GHR: variants seen among roughly 807,000 people sequenced by gnomAD.
GHR encodes GH receptor.
GHR carries 35 observed loss-of-function variants against 67.1 expected under a neutral mutation model. The ratio of observed to expected loss-of-function variants is 0.52; its 90% confidence interval spans 0.40 to 0.69. GHR has a LOEUF of 0.69. Among genes scored for constraint, GHR ranks in the 30% least tolerant of loss-of-function variants. The probability of loss-of-function intolerance (pLI) is 0.00; values close to 1 mark genes in which losing one functional copy is unlikely to be tolerated. For synonymous variants in GHR, 272 were observed against 269.1 expected (o/e 1.01, Z -0.10); for missense variants, 792 against 764.6 (o/e 1.04, Z -0.42).
chr5:42,628,003 G>A (rs1753789982), intron 2 of GHR, among the ~76,000 whole-genome samples: 1 of 152,180 alleles, frequency 6.6e-6, no homozygotes, highest in Non-Finnish European at 1.5e-5. Flanking sequence ...GATGGAGTGG[G>A]AAGGTGAACT....
chr5:42,586,886 T>C (rs551827538), intron 2 of GHR, among the ~76,000 whole-genome samples: 34 of 152,184 alleles, frequency 2.2e-4, no homozygotes, highest in African/African-American at 8.2e-4. Context: ...GCAGATAAAT[T>C]TGTTGGAGAA....
intron 2 of GHR, among the ~76,000 whole-genome samples, chr5:42,619,368 T>G (rs576958576): frequency 9.8e-4 from 149 of 152,138 alleles, no homozygotes; most frequent in Non-Finnish European, 1.7e-3. Flanking sequence ...CCTATATTCT[T>G]GCTTCATATT....
chr5:42,464,158 T>C (rs1744626891), intron 1 of GHR, among the ~76,000 whole-genome samples: 1 of 151,932 alleles, frequency 6.6e-6, no homozygotes, highest in African/African-American at 2.4e-5. Flanking sequence ...TTTCATTATC[T>C]ACTTACTACC....
At chr5:42,618,559 G>A (rs1445440618) in intron 2 of GHR, among the ~76,000 whole-genome samples, 1 of 151,964 alleles carries the variant, frequency 6.6e-6, no homozygotes, top group Non-Finnish European at 1.5e-5. Flanking sequence ...TTGAGGGAGC[G>A]ACAGCATAAA....
intron 2 of GHR, among the ~76,000 whole-genome samples, chr5:42,617,710 G>T (rs1753236160): frequency 6.6e-6 from 1 of 152,144 alleles, no homozygotes; most frequent in Admixed American, 6.5e-5. Context: ...GGGGCAGGTT[G>T]CCCCTTCAGG....
At chr5:42,463,821 G>T (rs1015721247) in intron 1 of GHR, among the ~76,000 whole-genome samples, 1 of 150,536 alleles carries the variant, frequency 6.6e-6, no homozygotes, top group Non-Finnish European at 1.5e-5. Context: ...GTGAAACCCC[G>T]TCTCTACTAA....
At chr5:42,619,683 T>A (rs1753341598) in intron 2 of GHR, 1 of 152,102 alleles carries the variant, frequency 6.6e-6, no homozygotes, top group Admixed American at 6.6e-5. Context: ...GAGAACGAAA[T>A]TTATTCAAGA....
rs1192686405 is a variant in GHR at position 42,465,972 on chromosome 5, G to A, written c.-12+42017G>A. ...ATTTTCCCTTCACCGTGAAGTTGTT[G>A]AGCAGGTCTTCTTCCAACTTGTCTT... is the stretch of plus-strand genomic sequence containing the variant. On this transcript the variant is annotated intron_variant, in intron 1 of 9. Coordinates refer to ENST00000230882, the MANE Select transcript of GHR (RefSeq NM_000163.5). 9.2e-6 allele frequency: 6 copies of A among 652,938 alleles called. No homozygotes were observed. The Admixed American group carries it at 1.5e-4, about 16-fold the overall frequency. The allele number at this position is 652,938 out of a possible 1,614,324, so 40.4% of individuals were successfully genotyped here. A position where few individuals can be genotyped will look rare whatever the true frequency, so the allele number is the denominator to read the frequency against.
Position 42,581,889 on chromosome 5 carries a change from C to T in GHR, c.70+15945C>T, listed in dbSNP as rs193019202. Among the ~76,000 whole-genome samples the T allele has an allele frequency of 2.2e-3, 330 of 152,350 alleles. 2 individuals are homozygous for T. Among genetic ancestry groups the T allele is most frequent in the African/African-American group, 7.6e-3 (315 of 41,586 alleles). ...GGGGGCCCAGGAAGCACCCCCTGCT[C>T]CTGCAGGCTTGGAAGTGCCTGCTAT... is the stretch of plus-strand genomic sequence containing the variant. On this transcript the variant is annotated intron_variant, in intron 2 of 9. Transcript: ENST00000230882.
At chr5:42,534,529 T>A (rs1395439525) in intron 1 of GHR, among the ~76,000 whole-genome samples, 2 of 151,444 alleles carry the variant, frequency 1.3e-5, no homozygotes, top group Non-Finnish European at 2.9e-5. Context: ...TATATATGTA[T>A]GTATATATAC....
intron 3 of GHR, among the ~76,000 whole-genome samples, chr5:42,663,149 G>A (rs994838822): frequency 3.9e-5 from 6 of 152,042 alleles, no homozygotes; most frequent in South Asian, 2.1e-4. Flanking sequence ...ATTCACAGCC[G>A]AATTCTACCA....
intron 1 of GHR, chr5:42,514,092 A>G (rs933357623): frequency 2.0e-6 from 2 of 983,796 alleles, no homozygotes; most frequent in African/African-American, 3.5e-5. Context: ...AAAATGAGCA[A>G]CTTCTTTAAC....
chr5:42,651,190 T>G (rs555478182), intron 3 of GHR, among the ~76,000 whole-genome samples: 1 of 152,174 alleles, frequency 6.6e-6, no homozygotes, highest in Non-Finnish European at 1.5e-5. Context: ...TCCTCTAAGG[T>G]GTACTTGGTT....
At chr5:42,656,219 A>AGGCTGACT (rs1289393953) in intron 3 of GHR, among the ~76,000 whole-genome samples, 2 of 152,188 alleles carry the variant, frequency 1.3e-5, no homozygotes, top group Non-Finnish European at 2.9e-5. Context: ...ACTCAGACAC[A>AGGCTGACT]GGCTGACTGA....
chr5:42,545,337 T>C (rs1268005602), intron 1 of GHR, among the ~76,000 whole-genome samples: 2 of 152,184 alleles, frequency 1.3e-5, no homozygotes, highest in South Asian at 2.1e-4. Context: ...TGGCAGGTAC[T>C]TGAGAGTCTT....
intron 1 of GHR, among the ~76,000 whole-genome samples, chr5:42,550,707 G>T (rs1325295420): frequency 6.6e-6 from 1 of 152,118 alleles, no homozygotes; most frequent in Non-Finnish European, 1.5e-5. Context: ...ATGCTGAGGA[G>T]ACTGAGGGTA....
chr5:42,565,370 C>A, intron 1 of GHR: 1 of 741,622 alleles, frequency 1.3e-6, no homozygotes, highest in Non-Finnish European at 1.6e-6. Context: ...ATTAGCAACT[C>A]GTTTTGAGTG....
intron 3 of GHR, among the ~76,000 whole-genome samples, chr5:42,674,204 C>G (rs1018323632): frequency 1.3e-5 from 2 of 152,024 alleles, no homozygotes; most frequent in African/African-American, 4.8e-5. Flanking sequence ...GTTTTTGTGA[C>G]AGTGACAGGC....
At chr5:42,518,068 T>C (rs1747319312) in intron 1 of GHR, among the ~76,000 whole-genome samples, 3 of 151,486 alleles carry the variant, frequency 2.0e-5, no homozygotes, top group Admixed American at 2.0e-4. Context: ...ATGGTTGTAA[T>C]CCTCTTCCTT....
Sources: allele counts gnomAD v4.1 joint callset (sites outside exome capture counted in the v4.1 genomes callset), GRCh38; gene constraint gnomAD v4.1.1; transcripts MANE v1.5; gene names NCBI Gene and HGNC (gene_info 2026-07-23, HGNC 2026-07-21).